Variants in RBFOX1 observed in about 807,000 individuals in gnomAD.
The protein encoded by RBFOX1 is RNA binding protein fox-1 homolog 1.
RBFOX1 carries 8 observed loss-of-function variants against 57.7 expected under a neutral mutation model. That is an observed-to-expected ratio of 0.14 (90% confidence interval 0.08 to 0.25). The LOEUF (loss-of-function observed/expected upper bound fraction) is 0.25, where lower values mean the gene tolerates loss of function less well. Ranked by LOEUF, RBFOX1 falls within the 10% of genes least tolerant of loss-of-function variation. The pLI is 1.00. For missense variants in RBFOX1, 611 were observed against 548.5 expected, an observed-to-expected ratio of 1.11 and a Z score of -1.14; for synonymous variants, 326 against 222.4, an observed-to-expected ratio of 1.47 and a Z score of -4.15.
intron 1 of RBFOX1, among the ~76,000 whole-genome samples, chr16:5,314,442 C>A (rs916641920): frequency 6.6e-6 from 1 of 152,192 alleles, no homozygotes; most frequent in East Asian, 1.9e-4. Context: ...CAGGGCTGAC[C>A]GCTTCACTAG....
chr16:5,255,392 A>ATCCATCCACCCACCTACC (rs2062566944), intron 1 of RBFOX1, among the ~76,000 whole-genome samples: 1 of 120,554 alleles, frequency 8.3e-6, no homozygotes, highest in East Asian at 2.6e-4. Flanking sequence ...AGACATGCAT[A>ATCCATCCACCCACCTACC]CATCCATCCA....
At chr16:5,710,071 C>T (rs924689463) in intron 3 of RBFOX1, among the ~76,000 whole-genome samples, 1 of 150,972 alleles carries the variant, frequency 6.6e-6, no homozygotes, top group South Asian at 2.1e-4. Flanking sequence ...GCACCCGGGA[C>T]AGCTCCTGAG....
At chr16:7,448,922 C>T (rs376091585) in intron 4 of RBFOX1, among the ~76,000 whole-genome samples, 3 of 93,234 alleles carry the variant, frequency 3.2e-5, no homozygotes, top group African/African-American at 1.2e-4. Context: ...ATTTTTCTTT[C>T]CCCTGTTTTT....
At chr16:5,772,718 C>A (rs1292831852) in intron 3 of RBFOX1, among the ~76,000 whole-genome samples, 1 of 152,128 alleles carries the variant, frequency 6.6e-6, no homozygotes, top group Non-Finnish European at 1.5e-5. Flanking sequence ...CTGAGAGGAA[C>A]AGATCTGATT....
intron 4 of RBFOX1, among the ~76,000 whole-genome samples, chr16:7,127,360 C>T (rs531210751): frequency 6.0e-4 from 92 of 152,226 alleles, no homozygotes; most frequent in African/African-American, 2.1e-3. Context: ...TGGTTATAAG[C>T]ATTTTGTAAA....
At chr16:6,005,807 A>C (rs1233656791) in intron 4 of RBFOX1, among the ~76,000 whole-genome samples, 1 of 152,242 alleles carries the variant, frequency 6.6e-6, no homozygotes, top group Non-Finnish European at 1.5e-5. Flanking sequence ...TTTTAAAAAA[A>C]GGCTAATGGC....
chr16:6,433,912 A>T (rs1385534478), intron 2 of RBFOX1, among the ~76,000 whole-genome samples: 1 of 144,288 alleles, frequency 6.9e-6, no homozygotes, highest in African/African-American at 2.6e-5. Flanking sequence ...TAGTGGCACC[A>T]TCTCTGCTCA....
chr16:5,942,060 A>C (rs1261136674), intron 4 of RBFOX1, among the ~76,000 whole-genome samples: 2 of 152,110 alleles, frequency 1.3e-5, no homozygotes, highest in African/African-American at 2.4e-5. Context: ...TGGCTTATTC[A>C]ATTATCCTAG....
At chr16:7,019,063 AGTGTGT>A (rs949500968) in intron 3 of RBFOX1, among the ~76,000 whole-genome samples, 1 of 151,660 alleles carries the variant, frequency 6.6e-6, no homozygotes, top group East Asian at 1.9e-4. Flanking sequence ...AGTTTTTAGA[AGTGTGT>A]GTGTGTGAGT....
chr16:5,276,193 T>A (rs2063136775), intron 1 of RBFOX1, among the ~76,000 whole-genome samples: 1 of 152,108 alleles, frequency 6.6e-6, no homozygotes, highest in African/African-American at 2.4e-5. Context: ...TGGGACTTAA[T>A]TAAACTAAAA....
chr16:5,355,618 G>C (rs942376622), intron 1 of RBFOX1, among the ~76,000 whole-genome samples: 2 of 152,192 alleles, frequency 1.3e-5, no homozygotes, highest in Non-Finnish European at 2.9e-5. Context: ...AGGAGCTTTA[G>C]AAGGGGCCTG....
intron 2 of RBFOX1, among the ~76,000 whole-genome samples, chr16:6,359,285 G>A (rs955151331): frequency 1.3e-5 from 2 of 152,046 alleles, no homozygotes; most frequent in African/African-American, 4.8e-5. Context: ...GTAGAGACGG[G>A]GTTTCACCAT....
chr16:6,349,930 T>G (rs2086004068), intron 2 of RBFOX1, among the ~76,000 whole-genome samples: 1 of 152,156 alleles, frequency 6.6e-6, no homozygotes. Flanking sequence ...TGGGGGGCAG[T>G]GGTGAGCTTA....
intron 3 of RBFOX1, among the ~76,000 whole-genome samples, chr16:6,868,784 G>C (rs191823916): frequency 4.2e-4 from 64 of 152,236 alleles, no homozygotes; most frequent in African/African-American, 1.4e-3. Flanking sequence ...ATTTCTTAAA[G>C]ATAGGTAATA....
intron 4 of RBFOX1, among the ~76,000 whole-genome samples, chr16:5,897,675 T>A (rs1323376010): frequency 6.6e-6 from 1 of 152,168 alleles, no homozygotes; most frequent in African/African-American, 2.4e-5. Context: ...ACAAACCTTT[T>A]CATCCTGCCT....
chr16:7,203,978 C>G (rs949578052), intron 4 of RBFOX1, among the ~76,000 whole-genome samples: 8 of 152,160 alleles, frequency 5.3e-5, no homozygotes. Flanking sequence ...GCTGTGTTCT[C>G]AAACATCACT....
Position 6,571,153 on chromosome 16 carries a change from C to A in RBFOX1, c.-63-83450C>A, listed in dbSNP as rs528959777. 3.9e-5 allele frequency among the ~76,000 whole-genome samples: 6 copies of A among 152,226 alleles called. 1 individual carries two copies. In the South Asian group the frequency reaches 1.2e-3, roughly 32 times the overall value. ...AGTTGACATCATTTCAGGCATATAG[C>A]CCGTAATTTGTTTTGACAACTACAA... On this transcript the variant is annotated intron_variant, in intron 2 of 15. Coordinates refer to ENST00000550418, the MANE Select transcript of RBFOX1 (RefSeq NM_018723.4).
At chr16:7,569,232 G>A (rs777787079) in intron 5 of RBFOX1, among the ~76,000 whole-genome samples, 3 of 152,144 alleles carry the variant, frequency 2.0e-5, no homozygotes, top group African/African-American at 7.2e-5. Context: ...CACAACACAA[G>A]TATATTAGGT....
chr16:6,740,239 A>G (rs905211590), intron 3 of RBFOX1, among the ~76,000 whole-genome samples: 7 of 152,178 alleles, frequency 4.6e-5, no homozygotes, highest in Admixed American at 2.6e-4. Flanking sequence ...TCAGAAAAAA[A>G]TAAGAATCGA....
Sources: allele counts gnomAD v4.1 joint callset (sites outside exome capture counted in the v4.1 genomes callset), GRCh38; gene constraint gnomAD v4.1.1; transcripts MANE v1.5; gene names NCBI Gene and HGNC (gene_info 2026-07-23, HGNC 2026-07-21).